The following HIVEP2 variants were observed in gnomAD, a reference collection of about 807,000 sequenced individuals.
HIVEP2 encodes HIVEP zinc finger 2.
A neutral mutation model predicts 180.7 loss-of-function variants in HIVEP2; 14 were observed. That is an observed-to-expected ratio of 0.08 (90% CI 0.05 to 0.12). The LOEUF is 0.12. HIVEP2 is among the 10% of genes least tolerant of loss of function. HIVEP2 has a pLI of 1.00. For synonymous variants in HIVEP2, 1,184 were observed against 1,136.4 expected (o/e 1.04, Z -0.84); for missense variants, 2,579 against 3,008.5 (o/e 0.86, Z 3.34).
intron 1 of HIVEP2, among the ~76,000 whole-genome samples, chr6:142,893,849 G>A (rs1012043549): frequency 6.6e-6 from 1 of 152,122 alleles, no homozygotes; most frequent in African/African-American, 2.4e-5. Flanking sequence ...TACAGAGAAT[G>A]ATAAAGTTCT....
intron 3 of HIVEP2, among the ~76,000 whole-genome samples, chr6:142,781,993 G>T (rs1342772410): frequency 6.6e-6 from 1 of 152,218 alleles, no homozygotes; most frequent in African/African-American, 2.4e-5. Flanking sequence ...CATTACTTGA[G>T]TGGTGGCAAA....
In HIVEP2 at chr6:142,892,669, A is replaced by G. The variant is rs553153779; in HGVS notation, c.-641+52430T>C. 2.6e-5 allele frequency among the ~76,000 whole-genome samples: 4 copies of G among 152,346 alleles called. No individual in the cohort carries two copies. In the South Asian group the frequency reaches 8.3e-4, roughly 32 times the overall value. On this transcript the variant is annotated intron_variant, in intron 1 of 9. Transcript: ENST00000367603. ...TTTTAATGACCTTTCAAAGGGATCAATCATATATCCTGTGATATAACATCA... is the reference window on the plus strand; with the variant it reads ...TTTTAATGACCTTTCAAAGGGATCAGTCATATATCCTGTGATATAACATCA...
chr6:142,899,014 T>G (rs951052454), intron 1 of HIVEP2, among the ~76,000 whole-genome samples: 1 of 152,154 alleles, frequency 6.6e-6, no homozygotes, highest in African/African-American at 2.4e-5. Flanking sequence ...TGAGAGATAT[T>G]TGTAAAATGC....
At chr6:142,858,854 A>G (rs879458998) in intron 1 of HIVEP2, among the ~76,000 whole-genome samples, 28 of 152,080 alleles carry the variant, frequency 1.8e-4, no homozygotes, top group Non-Finnish European at 3.5e-4. Context: ...TTGACCTCCC[A>G]AAGTGCTGGG....
In HIVEP2 at chr6:142,753,489, C is replaced by T. The variant is rs769765503; in HGVS notation, c.6959G>A (p.Arg2320Gln). 23 of 1,613,986 alleles carry T rather than the reference C, an allele frequency of 1.4e-5. No individual in the cohort carries two copies. Among genetic ancestry groups the T allele is most frequent in the Non-Finnish European group, 1.8e-5 (21 of 1,180,056 alleles). ...AGTCTGTATATTTTCCTCCTGTTCC[C>T]GCTCTGTTGCGTTTAGGCTGTCTTC... ...TSEDSLNATE[R>Q]EQEENIQTCT... The change falls in exon 10 of 10, where the codon CGG (arginine) becomes CAG (glutamine). Residue 2320 changes from arginine to glutamine, a missense_variant. Physicochemically the swap from Arg to Gln is conservative, Grantham distance 43. This residue lies in a region of HIVEP2 where 660 missense variants were observed against 731.7 expected (regional missense o/e 0.90). Coordinates refer to ENST00000367603, the MANE Select transcript of HIVEP2 (RefSeq NM_006734.4).
chr6:142,757,946 G>A (rs1389410509), intron 9 of HIVEP2, among the ~76,000 whole-genome samples: 1 of 152,166 alleles, frequency 6.6e-6, no homozygotes, highest in African/African-American at 2.4e-5. Flanking sequence ...ATGCACCACT[G>A]TTTCACAAAT....
chr6:142,900,838 T>G (rs570510903), intron 1 of HIVEP2, among the ~76,000 whole-genome samples: 1 of 152,162 alleles, frequency 6.6e-6, no homozygotes, highest in Non-Finnish European at 1.5e-5. Flanking sequence ...AGGGTTGAGG[T>G]TTTTCCCCCC....
chr6:142,908,608 T>C (rs771168801), intron 1 of HIVEP2, among the ~76,000 whole-genome samples: 26 of 152,026 alleles, frequency 1.7e-4, no homozygotes, highest in Non-Finnish European at 2.1e-4. Flanking sequence ...ACAGATGACT[T>C]TGGAACTAGA....
chr6:142,773,182 A>G lies in HIVEP2; in HGVS notation c.1557T>C (p.Tyr519=). The part of the protein sequence containing the change: ...PSSIRNEGKL[Y]PANFQGSNPV... ...GGTTGCTGCCTTGGAAGTTTGCTGG[A>G]TAAAGTTTTCCTTCGTTCCTGATAG... Residue 519 remains tyrosine, a synonymous_variant, in exon 5 of 10, where the codon TAT becomes TAC. Transcript: ENST00000367603. 1 of 1,614,208 alleles carries G rather than the reference A, an allele frequency of 6.2e-7. No individual in the cohort carries two copies. The highest frequency in any genetic ancestry group is 1.1e-5 in the South Asian group (1 of 91,078).
intron 1 of HIVEP2, among the ~76,000 whole-genome samples, chr6:142,939,372 C>T (rs1778123115): frequency 6.6e-6 from 1 of 151,926 alleles, no homozygotes; most frequent in South Asian, 2.1e-4. Flanking sequence ...CTGAAACACA[C>T]ACTTTATAGC....
chr6:142,761,337 A>G lies in HIVEP2; in HGVS notation c.5620+127T>C. 8.7e-6 allele frequency: 5 copies of G among 572,744 alleles called. No homozygotes were observed. In the South Asian group the frequency reaches 1.2e-4, roughly 14 times the overall value. 35.5% of individuals were successfully genotyped at this position (572,744 alleles called of 1,614,324 possible). Reference sequence around the variant, plus strand: ...TCAATGTGTCAGTTTTATTTTCTATATTTAGTATTTAATAAAATGAAAAGT... The same window carrying G: ...TCAATGTGTCAGTTTTATTTTCTATGTTTAGTATTTAATAAAATGAAAAGT... On this transcript the variant is annotated intron_variant, in intron 8 of 9. Transcript: ENST00000367603.
At chr6:142,848,649 G>C (rs1387601917) in intron 1 of HIVEP2, among the ~76,000 whole-genome samples, 1 of 152,052 alleles carries the variant, frequency 6.6e-6, no homozygotes, top group African/African-American at 2.4e-5. Flanking sequence ...CTTGCATCTG[G>C]GAAGTTAAGA....
chr6:142,843,814 A>G (rs1177875174), intron 1 of HIVEP2, among the ~76,000 whole-genome samples: 1 of 152,178 alleles, frequency 6.6e-6, no homozygotes, highest in African/African-American at 2.4e-5. Context: ...ATGACATTTT[A>G]GGTTTGAGCC....
chr6:142,939,048 C>G (rs1277503898), intron 1 of HIVEP2, among the ~76,000 whole-genome samples: 1 of 151,988 alleles, frequency 6.6e-6, no homozygotes, highest in African/African-American at 2.4e-5. Flanking sequence ...GTTTGATGGT[C>G]AACTTTCACT....
At chr6:142,869,014 C>A (rs1309955004) in intron 1 of HIVEP2, among the ~76,000 whole-genome samples, 3 of 152,120 alleles carry the variant, frequency 2.0e-5, no homozygotes, top group African/African-American at 7.2e-5. Context: ...CAGTGGTTCT[C>A]GGCCAAGGGT....
chr6:142,770,281 G>A lies in HIVEP2; in HGVS notation c.4458C>T (p.Asp1486=), dbSNP rs1189237117. 1.9e-6 allele frequency: 3 copies of A among 1,614,152 alleles called. No individual in the cohort carries two copies. In the East Asian group the frequency reaches 6.7e-5, roughly 36 times the overall value. The change falls in exon 5 of 10, where the codon GAC becomes GAT. Residue 1486 remains aspartate, a synonymous_variant. Transcript: ENST00000367603. This position sits in a 1 kb window ranked among gnomAD's most constrained non-coding sequence, Gnocchi z 4.7. The stretch of plus-strand genomic sequence containing the variant: ...GCTGGGGTTTCTGGGGGCGGGAGAG[G>A]TCCTTTTTGATGTCTGAGTTGGTCA... ...VELTNSDIKK[D]LSRPQKPQLV...
chr6:142,809,783 C>T (rs1253786912), intron 2 of HIVEP2, among the ~76,000 whole-genome samples: 6 of 152,016 alleles, frequency 3.9e-5, no homozygotes, highest in African/African-American at 7.2e-5. Flanking sequence ...TTAGTAGAGA[C>T]GGGGTTTCAC....
At chr6:142,928,499 A>G (rs1045119338) in intron 1 of HIVEP2, among the ~76,000 whole-genome samples, 17 of 152,188 alleles carry the variant, frequency 1.1e-4, no homozygotes, top group Admixed American at 7.9e-4. Context: ...TTTAATATAT[A>G]TTAGTTGTCC....
At chr6:142,911,516 G>A (rs1347747235) in intron 1 of HIVEP2, among the ~76,000 whole-genome samples, 1 of 152,154 alleles carries the variant, frequency 6.6e-6, no homozygotes, top group Non-Finnish European at 1.5e-5. Flanking sequence ...ATCTTTTGAG[G>A]CAGACAGAGG....
Sources: allele counts gnomAD v4.1 joint callset (sites outside exome capture counted in the v4.1 genomes callset), GRCh38; gene constraint gnomAD v4.1.1; regional missense constraint gnomAD v4.1.1; non-coding constraint Gnocchi (gnomAD v3.1); transcripts MANE v1.5; gene names NCBI Gene and HGNC (gene_info 2026-07-23, HGNC 2026-07-21).